EPB41L4B: variants seen among roughly 807,000 people sequenced by gnomAD.
EPB41L4B encodes the protein erythrocyte membrane protein band 4.1 like 4B, also known as band 4.1-like protein 4B.
In EPB41L4B, 30 loss-of-function variants were observed where a neutral mutation model predicts 112.5. The observed-to-expected ratio is 0.27, with a 90% CI of 0.20 to 0.36. The LOEUF (loss-of-function observed/expected upper bound fraction) is 0.36. Among genes scored for constraint, EPB41L4B ranks in the 10% least tolerant of loss-of-function variants. The pLI is 1.00. For missense variants in EPB41L4B, 1,024 were observed against 1,133.3 expected (o/e 0.90, Z 1.38); for synonymous variants, 408 against 439.7 (o/e 0.93, Z 0.90).
intron 20 of EPB41L4B, among the ~76,000 whole-genome samples, chr9:109,197,694 C>T (rs936508577): frequency 6.6e-6 from 1 of 151,862 alleles, no homozygotes; most frequent in Non-Finnish European, 1.5e-5. Flanking sequence ...GTGTCATGTG[C>T]CTGTAGTCCC....
rs1026181475 is a variant in EPB41L4B, at chr9:109,220,750, T to G, written c.1410-3605A>C. ...GGACGGTTCTGTGTGTGTGCGTGTGTGCACGTGCGTGTGTTGGTGTGTGTG... is the reference window on the plus strand; with the variant it reads ...GGACGGTTCTGTGTGTGTGCGTGTGGGCACGTGCGTGTGTTGGTGTGTGTG... On this transcript the variant is annotated intron_variant, in intron 15 of 25. Transcript: ENST00000374566. Among the ~76,000 whole-genome samples the G allele has an allele frequency of 4.6e-5, 7 of 152,208 alleles. No homozygotes were observed. In the East Asian group the frequency reaches 1.4e-3, roughly 29 times the overall value.
In EPB41L4B at chr9:109,253,521, C is replaced by G. The variant is rs752307194; in HGVS notation, c.1199G>C (p.Gly400Ala). The change falls in exon 12 of 26, where the codon GGC becomes GCC. Residue 400 changes from glycine (G) to alanine (A), a missense_variant. Gly to Ala is a moderately conservative substitution (Grantham distance 60). Coordinates refer to ENST00000374566, the MANE Select transcript of EPB41L4B (RefSeq NM_019114.5). ...SGRTEYQATH[G>A]SRLRRTSTFE... ...GGTGCTGGTTCTTCGTAACCTGGAG[C>G]CATGTGTAGCTTGATATTCTGTCCG... 5.0e-6 allele frequency: 8 copies of G among 1,613,614 alleles called. No homozygotes were observed. In the South Asian group the frequency reaches 7.7e-5, roughly 16 times the overall value.
At chr9:109,301,489 C>T in intron 1 of EPB41L4B, among the ~76,000 whole-genome samples, 1 of 152,200 alleles carries the variant, frequency 6.6e-6, no homozygotes. Context: ...CAGAAAGTTC[C>T]TGGGAGTCCC....
At chr9:109,314,722 T>G (rs1216051433) in intron 1 of EPB41L4B, among the ~76,000 whole-genome samples, 1 of 151,664 alleles carries the variant, frequency 6.6e-6, no homozygotes, top group African/African-American at 2.4e-5. Context: ...ATCCAAGGCC[T>G]CATTCCAGGT....
rs1341158286 is a variant in EPB41L4B, at chr9:109,320,328, C to T, written c.119G>A (p.Gly40Asp). Reference protein sequence around the residue: ...GDERDGGPRGGPAAAASSSAL... With the variant: ...GDERDGGPRGDPAAAASSSAL... ...CGAGGAGGAGGCGGCGGCGGCCGGG[C>T]CCCCCCGTGGCCCCCCATCGCGCTC... Residue 40 changes from glycine (G) to aspartate (D), a missense_variant, in exon 1 of 26, where the codon GGC becomes GAC. Transcript: ENST00000374566. The T allele has an allele frequency of 1.5e-5, 15 of 988,882 alleles. No individual in the cohort carries two copies. The highest frequency in any genetic ancestry group is 1.1e-4 in the East Asian group (1 of 8,982). 61.3% of individuals were successfully genotyped at this position (988,882 alleles called of 1,614,324 possible).
intron 1 of EPB41L4B, among the ~76,000 whole-genome samples, chr9:109,303,661 T>TTTCTC (rs1447642434): frequency 6.6e-6 from 1 of 151,668 alleles, no homozygotes; most frequent in East Asian, 1.9e-4. Context: ...CTGGGTTTTT[T>TTTCTC]TTCTTTTCTT....
intron 13 of EPB41L4B, 89 bp from the exon 14 acceptor site, chr9:109,247,878 C>T: frequency 9.2e-7 from 1 of 1,083,410 alleles, no homozygotes; most frequent in Non-Finnish European, 1.3e-6. Flanking sequence ...CAATCATGAA[C>T]TATTCCTATG....
intron 18 of EPB41L4B, 24 bp from the exon 19 acceptor site, chr9:109,203,754 A>G (rs771532864): frequency 2.5e-6 from 4 of 1,582,424 alleles, no homozygotes; most frequent in Non-Finnish European, 3.5e-6. Context: ...CATTCAGGTT[A>G]GTCAAAACTG....
rs1172573730 is a variant in EPB41L4B at position 109,263,262 on chromosome 9, T to C, written c.579-160A>G. On this transcript the variant is annotated intron_variant, in intron 5 of 25. Coordinates refer to ENST00000374566, the MANE Select transcript of EPB41L4B (RefSeq NM_019114.5). ...TACATTAAAGAATGCAACAAGCGAC[T>C]TGCACTACAAATTTCCCAAAGTCAA... Among the ~76,000 whole-genome samples the C allele has an allele frequency of 2.6e-5, 4 of 152,344 alleles. No individual in the cohort carries two copies. The East Asian group carries it at 7.7e-4, about 29-fold the overall frequency.
At chr9:109,188,398 C>T (rs1188023086) in intron 22 of EPB41L4B, among the ~76,000 whole-genome samples, 3 of 152,098 alleles carry the variant, frequency 2.0e-5, no homozygotes, top group Non-Finnish European at 2.9e-5. Context: ...AGGGTGGCCT[C>T]CAAACAGAAT....
chr9:109,231,036 GT>G (rs1232427462), intron 15 of EPB41L4B, among the ~76,000 whole-genome samples: 2 of 151,950 alleles, frequency 1.3e-5, no homozygotes, highest in African/African-American at 4.8e-5. Flanking sequence ...GTGCACGCCT[GT>G]AGTCCCAGCT....
chr9:109,242,073 G>A (rs1280759990), intron 15 of EPB41L4B, among the ~76,000 whole-genome samples: 2 of 152,210 alleles, frequency 1.3e-5, no homozygotes, highest in South Asian at 2.1e-4. Context: ...GGTCAAGTCC[G>A]TCTGGAGAAA....
chr9:109,254,304 G>C (rs1834900924), intron 11 of EPB41L4B, among the ~76,000 whole-genome samples: 2 of 152,236 alleles, frequency 1.3e-5, no homozygotes, highest in African/African-American at 4.8e-5. Flanking sequence ...GCATTCTGTG[G>C]AGTGTCTCCG....
At chr9:109,221,668 A>T (rs1349624313) in intron 15 of EPB41L4B, among the ~76,000 whole-genome samples, 4 of 152,200 alleles carry the variant, frequency 2.6e-5, no homozygotes, top group Non-Finnish European at 5.9e-5. Context: ...GGCAAATGGC[A>T]TGTCATTAAT....
At chr9:109,276,076 A>ATATATACATATATATTATATATGTGTATC (rs1402390751) in intron 2 of EPB41L4B, among the ~76,000 whole-genome samples, 9 of 148,044 alleles carry the variant, frequency 6.1e-5, no homozygotes, top group Non-Finnish European at 1.0e-4. Context: ...AAATATGTGT[A>ATATATACATATATATTATATATGTGTATC]TATATACATA....
At chr9:109,218,680 T>C (rs1161192688) in intron 15 of EPB41L4B, among the ~76,000 whole-genome samples, 1 of 152,004 alleles carries the variant, frequency 6.6e-6, no homozygotes, top group Non-Finnish European at 1.5e-5. Flanking sequence ...GCTACATCCT[T>C]CTACTTCCCA....
intron 1 of EPB41L4B, among the ~76,000 whole-genome samples, chr9:109,319,022 G>A (rs1837738515): frequency 6.6e-6 from 1 of 152,156 alleles, no homozygotes; most frequent in African/African-American, 2.4e-5. Context: ...TTCCTTGGAA[G>A]TCCGGGTATG....
chr9:109,296,871 CAAA>C (rs748065925), intron 1 of EPB41L4B, among the ~76,000 whole-genome samples: 2 of 69,464 alleles, frequency 2.9e-5, no homozygotes, highest in Non-Finnish European at 3.0e-5. Context: ...GGCCATGTCT[CAAA>C]AAAAAAAAAA....
intron 19 of EPB41L4B, among the ~76,000 whole-genome samples, chr9:109,203,108 C>T (rs545874134): frequency 4.6e-5 from 7 of 152,264 alleles, no homozygotes; most frequent in African/African-American, 1.2e-4. Flanking sequence ...GAGCCGAGAT[C>T]GCACCACTGC....
Sources: allele counts gnomAD v4.1 joint callset (sites outside exome capture counted in the v4.1 genomes callset), GRCh38; gene constraint gnomAD v4.1.1; transcripts MANE v1.5; gene names NCBI Gene and HGNC (gene_info 2026-07-23, HGNC 2026-07-21).